Variants in YWHAB observed in about 807,000 individuals in gnomAD.
The protein encoded by YWHAB is 14-3-3 protein beta/alpha.
YWHAB carries 2 observed loss-of-function variants against 28.5 expected under a neutral mutation model. That is an observed-to-expected ratio of 0.07 (90% CI 0.03 to 0.22). YWHAB has a LOEUF of 0.22. Ranked by LOEUF, YWHAB falls within the 10% of genes least tolerant of loss-of-function variation. The probability of loss-of-function intolerance (pLI) is 1.00; values close to 1 mark genes in which losing one functional copy is unlikely to be tolerated. For synonymous variants in YWHAB, 103 were observed against 104.7 expected, an observed-to-expected ratio of 0.98 and a Z score of 0.10; for missense variants, 148 against 297.1, an observed-to-expected ratio of 0.50 and a Z score of 3.69.
At chr20:44,892,828 T>G (rs942320751) in intron 1 of YWHAB, among the ~76,000 whole-genome samples, 1 of 152,242 alleles carries the variant, frequency 6.6e-6, no homozygotes, top group African/African-American at 2.4e-5. Context: ...CAGATGTGTA[T>G]GTAAGGCTTG....
At chr20:44,904,857 A>T in intron 3 of YWHAB, 111 bp from the exon 4 acceptor site, 1 of 1,027,100 alleles carries the variant, frequency 9.7e-7, no homozygotes, top group Non-Finnish European at 1.4e-6. Context: ...TTCATTTGAT[A>T]GGTCATTGCT....
At chr20:44,895,568 A>G (rs1157192409) in intron 1 of YWHAB, among the ~76,000 whole-genome samples, 1 of 152,174 alleles carries the variant, frequency 6.6e-6, no homozygotes, top group Non-Finnish European at 1.5e-5. Flanking sequence ...TCCTAGCCTC[A>G]AGCGATTCTC....
At chr20:44,898,569 C>T (rs918282393) in intron 1 of YWHAB, among the ~76,000 whole-genome samples, 2 of 151,084 alleles carry the variant, frequency 1.3e-5, no homozygotes, top group African/African-American at 2.4e-5. Flanking sequence ...AGTGCAGTGG[C>T]GCGATCTCTG....
intron 1 of YWHAB, among the ~76,000 whole-genome samples, chr20:44,899,543 A>C (rs2066614798): frequency 6.6e-6 from 1 of 152,234 alleles, no homozygotes; most frequent in African/African-American, 2.4e-5. Context: ...GTAGCATTTC[A>C]TGTTTTTATA....
intron 2 of YWHAB, 38 bp downstream of exon 2, chr20:44,901,871 T>C (rs770039864): frequency 1.3e-6 from 2 of 1,537,842 alleles, no homozygotes; most frequent in South Asian, 2.5e-5. Context: ...CAGTGGTTTC[T>C]AAATAGTATT....
chr20:44,904,303 G>T (rs1306182766), intron 3 of YWHAB, among the ~76,000 whole-genome samples, 187 bp downstream of exon 3: 1 of 152,194 alleles, frequency 6.6e-6, no homozygotes, highest in African/African-American at 2.4e-5. Flanking sequence ...TGACAGGGAA[G>T]TATGGAGGGC....
chr20:44,894,744 C>T (rs1290141164), intron 1 of YWHAB, among the ~76,000 whole-genome samples: 1 of 152,204 alleles, frequency 6.6e-6, no homozygotes, highest in African/African-American at 2.4e-5. Context: ...CTCATCTTCA[C>T]AGCAACTCTA....
chr20:44,894,407 G>A (rs977260597), intron 1 of YWHAB, among the ~76,000 whole-genome samples: 3 of 152,160 alleles, frequency 2.0e-5, no homozygotes, highest in African/African-American at 7.2e-5. Flanking sequence ...CTCATTCAAA[G>A]TCTTGGAACA....
At chr20:44,905,938 A>G in intron 4 of YWHAB, 63 bp from the exon 5 acceptor site, 1 of 1,368,596 alleles carries the variant, frequency 7.3e-7, no homozygotes, top group East Asian at 2.3e-5. Context: ...TAGCGGGAAA[A>G]AAAGTGGGCT....
intron 3 of YWHAB, 87 bp downstream of exon 3, chr20:44,904,203 G>T: frequency 6.6e-7 from 1 of 1,519,042 alleles, no homozygotes; most frequent in Middle Eastern, 1.8e-4. Flanking sequence ...TGCTTTGTTC[G>T]CCATAGACAC....
At chr20:44,891,006 T>C (rs1430610741) in intron 1 of YWHAB, among the ~76,000 whole-genome samples, 1 of 152,208 alleles carries the variant, frequency 6.6e-6, no homozygotes, top group East Asian at 1.9e-4. Flanking sequence ...TGGCTGACCA[T>C]TGGTTTTTTA....
At chr20:44,899,235 T>C (rs1285066428) in intron 1 of YWHAB, among the ~76,000 whole-genome samples, 1 of 152,142 alleles carries the variant, frequency 6.6e-6, no homozygotes, top group Non-Finnish European at 1.5e-5. Context: ...TCCCAGCACT[T>C]TGGGAGGCCA....
At chr20:44,903,326 C>T (rs1231730645) in intron 2 of YWHAB, 1 of 154,880 alleles carries the variant, frequency 6.5e-6, no homozygotes, top group Non-Finnish European at 1.4e-5. Context: ...GTAATTTGTC[C>T]AGAGTCATAC....
rs188109424 is a variant in YWHAB, at chr20:44,890,574, G to A, written c.-4+4688G>A. On this transcript the variant is annotated intron_variant, in intron 1 of 5. Transcript: ENST00000353703. ...CACCCAGGCTGGAGTGCAGTGGCACGATCTTGGCTCACTGCAACCTCTGAA... is the reference window on the plus strand; with the variant it reads ...CACCCAGGCTGGAGTGCAGTGGCACAATCTTGGCTCACTGCAACCTCTGAA... Among the ~76,000 whole-genome samples the A allele has an allele frequency of 2.8e-3, 388 of 139,332 alleles. 3 individuals carry two copies. Among genetic ancestry groups the A allele is most frequent in the African/African-American group, 9.5e-3 (353 of 37,196 alleles). The allele number at this position is 139,332 out of a possible 152,430, so 91.4% of individuals were successfully genotyped here. A position where few individuals can be genotyped will look rare whatever the true frequency, so the allele number is the denominator to read the frequency against.
chr20:44,894,033 G>T (rs1213532226), intron 1 of YWHAB, among the ~76,000 whole-genome samples: 2 of 152,080 alleles, frequency 1.3e-5, no homozygotes, highest in African/African-American at 4.8e-5. Context: ...CATATTGTTG[G>T]ATATTTAGAT....
At position 44,907,483 on chromosome 20, in the gene YWHAB, G is replaced by C. The variant is rs2066665128; in HGVS notation, c.*1045G>C. The C allele has an allele frequency of 6.6e-6, 1 of 152,174 alleles. No homozygotes were observed. Among genetic ancestry groups the C allele is most frequent in the South Asian group, 2.1e-4 (1 of 4,820 alleles). 9.4% of individuals were successfully genotyped at this position (152,174 alleles called of 1,614,324 possible). On this transcript the variant is annotated 3_prime_UTR_variant, in exon 6 of 6. Transcript: ENST00000353703. ...GAAAACAAAAAACAAAAAAAGGAAT[G>C]ATGTTCTGTAGAGATGGCCTTTCAC...
chr20:44,899,748 A>C (rs1011050802), intron 1 of YWHAB, among the ~76,000 whole-genome samples: 7 of 152,224 alleles, frequency 4.6e-5, no homozygotes, highest in Non-Finnish European at 1.0e-4. Flanking sequence ...TGGTGAGTTG[A>C]TAAGAGATAT....
In YWHAB at chr20:44,907,742, G is replaced by A. The variant is rs2066667015; in HGVS notation, c.*1304G>A. The A allele has an allele frequency of 6.6e-6, 1 of 152,212 alleles. No homozygotes were observed. The highest frequency in any genetic ancestry group is 6.5e-5 in the Admixed American group (1 of 15,290). The allele number at this position is 152,212 out of a possible 1,614,324, so 9.4% of individuals were successfully genotyped here. ...GAGAGACATTACTGAGCACCTTGGT[G>A]AGCAAGCCTGGCTTTAAAGATTGGA... On this transcript the variant is annotated 3_prime_UTR_variant, in exon 6 of 6. Transcript: ENST00000353703.
In YWHAB at chr20:44,907,113, A is replaced by G. The variant is rs895175682; in HGVS notation, c.*675A>G. 1.6e-4 allele frequency: 24 copies of G among 152,256 alleles called. No individual in the cohort carries two copies. The highest frequency in any genetic ancestry group is 2.9e-5 in the Non-Finnish European group (2 of 68,062). 9.4% of individuals were successfully genotyped at this position (152,256 alleles called of 1,614,324 possible). On this transcript the variant is annotated 3_prime_UTR_variant, in exon 6 of 6. Transcript: ENST00000353703. ...CACCTTGAAAAGTTCAAGTGCTCATATAACACACCACACTGAACCCCCTTT... is the reference window on the plus strand; with the variant it reads ...CACCTTGAAAAGTTCAAGTGCTCATGTAACACACCACACTGAACCCCCTTT...
Sources: gnomAD v4.1 joint callset for allele counts (sites outside exome capture counted in the v4.1 genomes callset) on GRCh38, gnomAD v4.1.1 for gene constraint, MANE v1.5 for transcripts, NCBI Gene and HGNC (gene_info 2026-07-23, HGNC 2026-07-21) for gene names.